The following ELL2 variants were observed in gnomAD, a reference collection of about 807,000 sequenced individuals.
ELL2 encodes the protein elongation factor for RNA polymerase II 2.
ELL2 carries 21 observed loss-of-function variants against 72.8 expected under a neutral mutation model. That is an observed-to-expected ratio of 0.29 (90% CI 0.20 to 0.42). The LOEUF is 0.42. Ranked by LOEUF, ELL2 falls within the 10% of genes least tolerant of loss-of-function variation. The pLI, the probability that ELL2 is intolerant of heterozygous loss-of-function variation, is 1.00. For synonymous variants in ELL2, 266 were observed against 283.2 expected, an observed-to-expected ratio of 0.94 and a Z score of 0.61; for missense variants, 568 against 772.8, an observed-to-expected ratio of 0.73 and a Z score of 3.14.
In ELL2 at chr5:95,886,873, G is replaced by A. The variant is rs969660230; in HGVS notation, c.*1998C>T. 1.3e-5 allele frequency: 2 copies of A among 152,156 alleles called. No homozygotes were observed. Among genetic ancestry groups the A allele is most frequent in the African/African-American group, 2.4e-5 (1 of 41,452 alleles). 9.4% of individuals were successfully genotyped at this position (152,156 alleles called of 1,614,324 possible). Reference sequence around the variant, plus strand: ...TGGTCCAAGCACCTTTTGCTTTTGAGAAACCTTGCTCATAGCAAATAGCAG... The same window carrying A: ...TGGTCCAAGCACCTTTTGCTTTTGAAAAACCTTGCTCATAGCAAATAGCAG... On this transcript the variant is annotated 3_prime_UTR_variant, in exon 12 of 12. Transcript: ENST00000237853.
intron 5 of ELL2, 152 bp from the exon 6 acceptor site, chr5:95,901,232 A>G: frequency 1.4e-6 from 1 of 724,316 alleles, no homozygotes; most frequent in Non-Finnish European, 2.1e-6. Flanking sequence ...ATCTCAATAA[A>G]TGCCATTAAC....
intron 3 of ELL2, among the ~76,000 whole-genome samples, chr5:95,916,597 G>A (rs1749811068): frequency 6.6e-6 from 1 of 152,196 alleles, no homozygotes; most frequent in African/African-American, 2.4e-5. Flanking sequence ...TTGGGGGCAG[G>A]GAGGTCACAG....
chr5:95,961,653 C>T lies in ELL2; in HGVS notation c.69G>A (p.Gly23=). ...QRYGLSCGRL[G]QDNITVLHVK... ...CATGCAGTACGGTGATGTTGTCCTG[C>T]CCCAGCCGTCCGCACGACAGCCCAT... The change falls in exon 1 of 12, where the codon GGG becomes GGA. Residue 23 remains glycine (G), a synonymous_variant. Transcript: ENST00000237853. 1.2e-6 allele frequency: 2 copies of T among 1,610,470 alleles called. No homozygotes were observed. The highest frequency in any genetic ancestry group is 4.5e-5 in the East Asian group (2 of 44,458).
chr5:95,891,339 T>G, intron 9 of ELL2, 65 bp from the exon 10 acceptor site: 1 of 1,482,208 alleles, frequency 6.7e-7, no homozygotes, highest in Non-Finnish European at 9.1e-7. Context: ...AGTCTGAGAT[T>G]TAAACCAAAT....
intron 4 of ELL2, among the ~76,000 whole-genome samples, chr5:95,907,551 G>A (rs566359189): frequency 2.0e-5 from 3 of 152,060 alleles, no homozygotes; most frequent in Admixed American, 2.0e-4. Context: ...GCTACTTCTA[G>A]AACATGTGTG....
At chr5:95,956,735 C>T (rs1031680528) in intron 1 of ELL2, among the ~76,000 whole-genome samples, 1 of 152,102 alleles carries the variant, frequency 6.6e-6, no homozygotes, top group African/African-American at 2.4e-5. Context: ...TACCCTCTGA[C>T]CTATGGACTC....
intron 4 of ELL2, among the ~76,000 whole-genome samples, chr5:95,912,154 G>T (rs1382336558): frequency 6.6e-6 from 1 of 152,188 alleles, no homozygotes; most frequent in Non-Finnish European, 1.5e-5. Context: ...TTTGGGTGTT[G>T]AAGTCTGTTG....
At chr5:95,955,876 G>A (rs186949580) in intron 1 of ELL2, among the ~76,000 whole-genome samples, 4 of 151,612 alleles carry the variant, frequency 2.6e-5, no homozygotes, top group East Asian at 1.9e-4. Flanking sequence ...ATCTAGTGCC[G>A]GGCTCCTAAG....
intron 2 of ELL2, among the ~76,000 whole-genome samples, chr5:95,920,732 G>A (rs756785876): frequency 6.6e-5 from 10 of 152,080 alleles, no homozygotes; most frequent in Non-Finnish European, 1.2e-4. Context: ...TCCTCCCTTG[G>A]GTCTGCATGG....
intron 1 of ELL2, among the ~76,000 whole-genome samples, chr5:95,948,904 A>G (rs1474798629): frequency 6.6e-6 from 1 of 152,246 alleles, no homozygotes; most frequent in African/African-American, 2.4e-5. Context: ...TTTGCAGTCA[A>G]AAGATTCTGT....
intron 3 of ELL2, among the ~76,000 whole-genome samples, chr5:95,916,558 T>G (rs1001332282): frequency 6.6e-6 from 1 of 151,894 alleles, no homozygotes; most frequent in African/African-American, 2.4e-5. Flanking sequence ...TCCAGAATAA[T>G]AAGGAACCAA....
intron 1 of ELL2, among the ~76,000 whole-genome samples, chr5:95,946,464 C>A (rs1751162214): frequency 6.6e-6 from 1 of 152,212 alleles, no homozygotes; most frequent in Non-Finnish European, 1.5e-5. Context: ...TATCACCTCA[C>A]AACTAGACAA....
chr5:95,960,870 C>A (rs570771413), intron 1 of ELL2, among the ~76,000 whole-genome samples: 29 of 151,430 alleles, frequency 1.9e-4, no homozygotes, highest in Non-Finnish European at 4.0e-4. Context: ...GCAGGTGTGT[C>A]CCCTCCCCCC....
At chr5:95,902,657 A>C (rs1329985965) in intron 5 of ELL2, among the ~76,000 whole-genome samples, 1 of 152,254 alleles carries the variant, frequency 6.6e-6, no homozygotes, top group Non-Finnish European at 1.5e-5. Flanking sequence ...ATTAAGGAGA[A>C]AATAGGTTTA....
Position 95,898,595 on chromosome 5 carries a change from C to T in ELL2, c.1170G>A (p.Gln390=). The T allele has an allele frequency of 6.2e-7, 1 of 1,613,762 alleles. No individual in the cohort carries two copies. Among genetic ancestry groups the T allele is most frequent in the East Asian group, 2.2e-5 (1 of 44,866 alleles). Residue 390 remains glutamine (Q), a synonymous_variant, in exon 8 of 12, where the codon CAG becomes CAA. Coordinates refer to ENST00000237853, the MANE Select transcript of ELL2 (RefSeq NM_012081.6). ...GGGAGTTGGAGTTAGAATTTACAAT[C>T]TGAGGAGGATGTGAGATGGGCAGAT... ...STYLPISHPP[Q]IVNSNSNSPS...
At chr5:95,925,061 C>T (rs1035749563) in intron 2 of ELL2, among the ~76,000 whole-genome samples, 2 of 152,216 alleles carry the variant, frequency 1.3e-5, no homozygotes, top group African/African-American at 2.4e-5. Flanking sequence ...ATACTTTCTA[C>T]TCAATATTGG....
chr5:95,907,277 G>GATATATATATATATATATAT (rs748817419), intron 4 of ELL2, among the ~76,000 whole-genome samples: 6 of 119,930 alleles, frequency 5.0e-5, no homozygotes, highest in African/African-American at 1.8e-4. Flanking sequence ...ATCCGTTAGT[G>GATATATATATATATATATAT]ATATATATAT....
At chr5:95,923,165 A>T (rs1750157145) in intron 2 of ELL2, among the ~76,000 whole-genome samples, 1 of 152,012 alleles carries the variant, frequency 6.6e-6, no homozygotes, top group Non-Finnish European at 1.5e-5. Context: ...TGGGAGGATC[A>T]CTTGAGCCTG....
chr5:95,929,985 C>G (rs1484307169), intron 2 of ELL2, among the ~76,000 whole-genome samples: 2 of 152,128 alleles, frequency 1.3e-5, no homozygotes, highest in Non-Finnish European at 2.9e-5. Context: ...TTTATTAAAA[C>G]ACTCGCCGAA....
Sources: gnomAD v4.1 joint callset for allele counts (sites outside exome capture counted in the v4.1 genomes callset) on GRCh38, gnomAD v4.1.1 for gene constraint, MANE v1.5 for transcripts, NCBI Gene and HGNC (gene_info 2026-07-23, HGNC 2026-07-21) for gene names.